The following CLEC17A variants were observed in gnomAD, a reference collection of about 807,000 sequenced individuals.
The protein encoded by CLEC17A is C-type lectin domain containing 17A.
In CLEC17A, 37 loss-of-function variants were observed where a neutral mutation model predicts 61.3. The observed-to-expected ratio is 0.60, with a 90% CI of 0.46 to 0.79. The LOEUF (loss-of-function observed/expected upper bound fraction) is 0.79. Ranked by LOEUF, CLEC17A falls within the 30% of genes least tolerant of loss-of-function variation. The pLI is 0.00. For synonymous variants in CLEC17A, 168 were observed against 164.9 expected (o/e 1.02, Z -0.14); for missense variants, 418 against 464.7 (o/e 0.90, Z 0.92).
Position 14,596,887 on chromosome 19 carries a change from C to A in CLEC17A, c.457C>A (p.Pro153Thr). The change falls in exon 9 of 14, where the codon CCC (proline) becomes ACC (threonine). Residue 153 changes from proline (P) to threonine (T), a missense_variant. By Grantham distance (38) the Pro-to-Thr change is conservative (BLOSUM62 -1). Transcript: ENST00000417570. ...LQPSLAATPV[P>T]WLNQRSGGPG... ...TCCCCACTCCCCAGCAACTCCAGTCCCCTGGCTCAATCAGAGGTCTGGAGG... is the reference window on the plus strand; with the variant it reads ...TCCCCACTCCCCAGCAACTCCAGTCACCTGGCTCAATCAGAGGTCTGGAGG... 6.2e-7 allele frequency: 1 copy of A among 1,609,098 alleles called. No homozygotes were observed. The highest frequency in any genetic ancestry group is 1.1e-5 in the South Asian group (1 of 89,786).
intron 10 of CLEC17A, among the ~76,000 whole-genome samples, chr19:14,597,406 T>A (rs2074577215): frequency 6.6e-6 from 1 of 152,218 alleles, no homozygotes; most frequent in Non-Finnish European, 1.5e-5. Flanking sequence ...TGTTGAACAC[T>A]TGAAATGTGG....
chr19:14,605,245 G>A (rs1187463170), intron 12 of CLEC17A, among the ~76,000 whole-genome samples: 1 of 152,030 alleles, frequency 6.6e-6, no homozygotes, highest in Non-Finnish European at 1.5e-5. Flanking sequence ...ATACAGGCAT[G>A]ACACCACGCC....
intron 2 of CLEC17A, among the ~76,000 whole-genome samples, chr19:14,586,595 C>G (rs1433845490): frequency 5.2e-5 from 7 of 134,684 alleles, no homozygotes; most frequent in African/African-American, 1.5e-4. Context: ...ATGGTTTTTT[C>G]TAAATTTTTT....
intron 11 of CLEC17A, 56 bp from the exon 12 acceptor site, chr19:14,599,975 T>G (rs774911294): frequency 8.1e-5 from 129 of 1,595,544 alleles, no homozygotes; most frequent in Non-Finnish European, 1.1e-4. Flanking sequence ...CATGGCATAC[T>G]ATGTACATGG....
chr19:14,601,941 C>T lies in CLEC17A; in HGVS notation c.894+1759C>T, dbSNP rs373098186. 2.6e-4 allele frequency among the ~76,000 whole-genome samples: 40 copies of T among 152,086 alleles called. No individual in the cohort carries two copies. The East Asian group carries it at 2.7e-3, about 10-fold the overall frequency. On this transcript the variant is annotated intron_variant, in intron 12 of 13. Coordinates refer to ENST00000417570, the MANE Select transcript of CLEC17A (RefSeq NM_001204118.2). ...CCGAGTAGCTGGGACTACAGGCGCC[C>T]GCCACCACACCCAGCTAATTTTTTG... is the stretch of plus-strand genomic sequence containing the variant.
chr19:14,599,669 T>TA lies in CLEC17A; in HGVS notation c.647-47dup, dbSNP rs781421044. 3.0e-6 allele frequency: 4 copies of TA among 1,341,400 alleles called. No homozygotes were observed. The South Asian group carries it at 4.8e-5, about 16-fold the overall frequency. The allele number at this position is 1,341,400 out of a possible 1,614,324, so 83.1% of individuals were successfully genotyped here. A position where few individuals can be genotyped will look rare whatever the true frequency, so the allele number is the denominator to read the frequency against. On this transcript the variant is annotated intron_variant, in intron 10 of 13. Transcript: ENST00000417570. ...GTGTCTGCAGTCCGTGGTGGATGGG[T>TA]AGGATGGGTTCTCAGTCTGTAGCCC...
At chr19:14,593,333 CA>C (rs57379897) in intron 4 of CLEC17A, among the ~76,000 whole-genome samples, 28,966 of 85,660 alleles carry the variant, frequency 0.34, 3,100 homozygotes, top group Middle Eastern at 0.42. Flanking sequence ...CCATCTCTAC[CA>C]AAAAAAAAAA....
Position 14,599,722 on chromosome 19 carries a change from G to A in CLEC17A, c.652G>A (p.Gly218Ser), listed in dbSNP as rs1452644078. 1 of 1,613,348 alleles carries A rather than the reference G, an allele frequency of 6.2e-7. No individual in the cohort carries two copies. The highest frequency in any genetic ancestry group is 2.2e-5 in the East Asian group (1 of 44,880). Residue 218 changes from glycine to serine, a missense_variant, in exon 11 of 14, where the codon GGC (glycine) becomes AGC (serine). Transcript: ENST00000417570. ...QQMTWRTNMT[G>S]MAGLAGLKHD... ...AAGCCCATCCCTTCTGACAGTGACTGGCATGGCAGGGCTAGCTGGCCTGAA... is the reference window on the plus strand; with the variant it reads ...AAGCCCATCCCTTCTGACAGTGACTAGCATGGCAGGGCTAGCTGGCCTGAA...
At chr19:14,601,983 G>A (rs1010843002) in intron 12 of CLEC17A, among the ~76,000 whole-genome samples, 5 of 148,240 alleles carry the variant, frequency 3.4e-5, no homozygotes, top group African/African-American at 1.3e-4. Context: ...TAGTAGAGAC[G>A]GGGTTTCACT....
rs371430849 is a variant in CLEC17A at position 14,594,543 on chromosome 19, A to C, written c.304A>C (p.Arg102=). Reference sequence around the variant, plus strand: ...TTCAAGTGCTCCACCAAGACCTCCAAGGGCAGGTGAGTTGGGGCTGGGGGT... The same window carrying C: ...TTCAAGTGCTCCACCAAGACCTCCACGGGCAGGTGAGTTGGGGCTGGGGGT... ...PGSSAPPRPP[R]AAKETEKPPL... is the part of the protein sequence containing the mutation. Residue 102 remains arginine, a synonymous_variant, in exon 5 of 14, where the codon AGG becomes CGG. Transcript: ENST00000417570. 9.3e-6 allele frequency: 15 copies of C among 1,606,490 alleles called. No homozygotes were observed. The highest frequency in any genetic ancestry group is 4.5e-5 in the East Asian group (2 of 44,518).
chr19:14,592,192 C>T (rs2146687147), intron 3 of CLEC17A, 89 bp from the exon 4 acceptor site: 1 of 1,378,700 alleles, frequency 7.3e-7, no homozygotes, highest in Non-Finnish European at 9.8e-7. Context: ...ACAGAATCCC[C>T]ATCATGGGGC....
At position 14,596,911 on chromosome 19, in the gene CLEC17A, G is replaced by A. The variant is rs759362478; in HGVS notation, c.481G>A (p.Gly161Ser). The stretch of plus-strand genomic sequence containing the variant: ...CCCCTGGCTCAATCAGAGGTCTGGA[G>A]GTCCTGGCTGCTGCCAGAAGAGGTG... The part of the protein sequence containing the change: ...PVPWLNQRSG[G>S]PGCCQKRWMV... The change falls in exon 9 of 14, where the codon GGT (glycine) becomes AGT (serine). Residue 161 changes from glycine to serine, a missense_variant. Coordinates refer to ENST00000417570, the MANE Select transcript of CLEC17A (RefSeq NM_001204118.2). The A allele has an allele frequency of 2.5e-6, 4 of 1,608,454 alleles. No individual in the cohort carries two copies. Among genetic ancestry groups the A allele is most frequent in the Non-Finnish European group, 3.4e-6 (4 of 1,177,430 alleles).
intron 12 of CLEC17A, among the ~76,000 whole-genome samples, chr19:14,600,587 C>G (rs1390838804): frequency 6.9e-6 from 1 of 145,342 alleles, no homozygotes; most frequent in Admixed American, 6.9e-5. Flanking sequence ...CTTTTCTTTT[C>G]TTTTTTTTTT....
rs576939846 is a variant in CLEC17A at position 14,610,295 on chromosome 19, C to T, written c.*99C>T. The stretch of plus-strand genomic sequence containing the variant: ...GGCCTTGCCTCTTCGTGAGTGGACA[C>T]ACAGATGTGCCTCAAACAGGATTGG... On this transcript the variant is annotated 3_prime_UTR_variant, in exon 14 of 14. Coordinates refer to ENST00000417570, the MANE Select transcript of CLEC17A (RefSeq NM_001204118.2). 19 of 1,475,556 alleles carry T rather than the reference C, an allele frequency of 1.3e-5. No homozygotes were observed. In the Admixed American group the frequency reaches 2.7e-4, roughly 21 times the overall value. 91.4% of individuals were successfully genotyped at this position (1,475,556 alleles called of 1,614,324 possible). A position where few individuals can be genotyped will look rare whatever the true frequency, so the allele number is the denominator to read the frequency against.
chr19:14,608,893 G>A (rs576944886), intron 13 of CLEC17A, among the ~76,000 whole-genome samples: 2 of 151,018 alleles, frequency 1.3e-5, no homozygotes, highest in East Asian at 3.9e-4. Context: ...TCTGCCTCCT[G>A]GATTCAAGCG....
intron 12 of CLEC17A, among the ~76,000 whole-genome samples, chr19:14,603,606 C>G (rs540999976): frequency 6.6e-6 from 1 of 151,912 alleles, no homozygotes; most frequent in African/African-American, 2.4e-5. Flanking sequence ...ACTATAGTCA[C>G]GTGCCACCAC....
chr19:14,592,204 G>C (rs1421149539), intron 3 of CLEC17A, 77 bp from the exon 4 acceptor site: 2 of 1,439,072 alleles, frequency 1.4e-6, no homozygotes, highest in Admixed American at 4.4e-5. Context: ...TCATGGGGCA[G>C]CTGAGGCAGA....
chr19:14,589,556 G>A (rs1475437022), intron 3 of CLEC17A, among the ~76,000 whole-genome samples: 1 of 118,188 alleles, frequency 8.5e-6, no homozygotes, highest in African/African-American at 4.0e-5. Context: ...ACACCCTCCC[G>A]AGTAGCTGGG....
At chr19:14,598,792 T>C (rs1237946971) in intron 10 of CLEC17A, among the ~76,000 whole-genome samples, 1 of 151,994 alleles carries the variant, frequency 6.6e-6, no homozygotes, top group Admixed American at 6.6e-5. Flanking sequence ...ACCTTGTTTC[T>C]ACAACAAATT....
Sources: allele counts gnomAD v4.1 joint callset (sites outside exome capture counted in the v4.1 genomes callset), GRCh38; gene constraint gnomAD v4.1.1; transcripts MANE v1.5; gene names NCBI Gene and HGNC (gene_info 2026-07-23, HGNC 2026-07-21).